Variants in ERC2 observed in about 807,000 individuals in gnomAD.
The protein encoded by ERC2 is ELKS/RAB6-interacting/CAST family member 2, also known as ERC protein 2.
A neutral mutation model predicts 114.8 loss-of-function variants in ERC2; 42 were observed. The ratio of observed to expected loss-of-function variants is 0.37; its 90% confidence interval spans 0.29 to 0.47. The LOEUF (loss-of-function observed/expected upper bound fraction) is 0.47, where lower values mean the gene tolerates loss of function less well. ERC2 is among the 20% of genes least tolerant of loss of function. The probability of loss-of-function intolerance (pLI) is 0.99; values close to 1 mark genes in which losing one functional copy is unlikely to be tolerated. For synonymous variants in ERC2, 454 were observed against 425.5 expected (o/e 1.07, Z -0.82); for missense variants, 939 against 1,150.7 (o/e 0.82, Z 2.66).
At chr3:55,762,414 C>T (rs979054165) in intron 14 of ERC2, among the ~76,000 whole-genome samples, 8 of 152,212 alleles carry the variant, frequency 5.3e-5, no homozygotes, top group African/African-American at 2.4e-5. Context: ...ATTGAAGCCA[C>T]TGAAAATCAA....
intron 17 of ERC2, among the ~76,000 whole-genome samples, chr3:55,511,521 C>T (rs1022483634): frequency 8.6e-5 from 13 of 152,014 alleles, no homozygotes; most frequent in African/African-American, 2.4e-4. Context: ...AAATATGTCA[C>T]GTATATGTAT....
At chr3:55,528,158 T>A (rs1341813895) in intron 17 of ERC2, among the ~76,000 whole-genome samples, 1 of 152,220 alleles carries the variant, frequency 6.6e-6, no homozygotes, top group Non-Finnish European at 1.5e-5. Flanking sequence ...GCATTAATAT[T>A]AACCAACAGG....
intron 17 of ERC2, among the ~76,000 whole-genome samples, chr3:55,591,307 C>T (rs1376061543): frequency 1.3e-5 from 2 of 151,712 alleles, no homozygotes; most frequent in African/African-American, 2.4e-5. Context: ...CCTTCTGTCA[C>T]GTAAAACCTC....
chr3:56,150,221 G>C (rs183195532), intron 4 of ERC2, among the ~76,000 whole-genome samples: 11 of 152,216 alleles, frequency 7.2e-5, no homozygotes, highest in South Asian at 2.1e-4. Flanking sequence ...CAAAAGTAAA[G>C]ACAATGAATA....
chr3:55,665,215 C>G (rs2061311789), intron 17 of ERC2, among the ~76,000 whole-genome samples: 1 of 152,196 alleles, frequency 6.6e-6, no homozygotes, highest in African/African-American at 2.4e-5. Context: ...ACTCTTCAAG[C>G]AGCGCTCTTT....
intron 2 of ERC2, among the ~76,000 whole-genome samples, chr3:56,347,177 C>G (rs2058343188): frequency 6.6e-6 from 1 of 152,170 alleles, no homozygotes; most frequent in African/African-American, 2.4e-5. Context: ...GTTTGCAAAA[C>G]TGGAACCACG....
At chr3:55,864,874 CATT>C (rs1045155020) in intron 14 of ERC2, among the ~76,000 whole-genome samples, 8 of 152,136 alleles carry the variant, frequency 5.3e-5, no homozygotes, top group East Asian at 1.9e-4. Context: ...CCATCATCAT[CATT>C]ATCACCATCA....
chr3:55,728,294 T>C (rs1157875445), intron 15 of ERC2, among the ~76,000 whole-genome samples: 1 of 152,160 alleles, frequency 6.6e-6, no homozygotes. Context: ...ATTATTAAAA[T>C]CATCACAAAA....
At chr3:56,073,886 G>A (rs2076854236) in intron 7 of ERC2, among the ~76,000 whole-genome samples, 1 of 152,006 alleles carries the variant, frequency 6.6e-6, no homozygotes, top group South Asian at 2.1e-4. Flanking sequence ...GAGCTTCTGG[G>A]GGAAGAAAAA....
chr3:55,736,060 T>C lies in ERC2; in HGVS notation c.2565-1142A>G, dbSNP rs138176598. 4.0e-3 allele frequency among the ~76,000 whole-genome samples: 615 copies of C among 152,286 alleles called. 3 individuals carry two copies. The highest frequency in any genetic ancestry group is 0.031 in the Middle Eastern group (9 of 294). On this transcript the variant is annotated intron_variant, in intron 14 of 17. Transcript: ENST00000288221. ...AAACTCATGCACTACTATAAAAACA[T>C]CTACGAACCATCAGCATCACTCACT...
At chr3:55,743,593 CAA>C (rs367859231) in intron 14 of ERC2, among the ~76,000 whole-genome samples, 2 of 97,198 alleles carry the variant, frequency 2.1e-5, no homozygotes, top group Admixed American at 1.3e-4. Flanking sequence ...CCTGATCCAC[CAA>C]AAAAAAAAAA....
chr3:56,201,340 C>T (rs2048393356), intron 3 of ERC2, among the ~76,000 whole-genome samples: 1 of 152,184 alleles, frequency 6.6e-6, no homozygotes, highest in Non-Finnish European at 1.5e-5. Flanking sequence ...TGAAAATGCC[C>T]ATTTAGTTTT....
intron 13 of ERC2, among the ~76,000 whole-genome samples, chr3:55,930,022 T>C (rs1306942638): frequency 6.6e-6 from 1 of 152,168 alleles, no homozygotes; most frequent in African/African-American, 2.4e-5. Flanking sequence ...GTAGATCACT[T>C]GAGGTCAGGA....
At chr3:55,946,094 A>AT (rs558852250) in intron 13 of ERC2, among the ~76,000 whole-genome samples, 221 of 151,938 alleles carry the variant, frequency 1.5e-3, no homozygotes, top group Non-Finnish European at 2.7e-3. Flanking sequence ...AAATAAAAAA[A>AT]TAAAAAAAAA....
At chr3:56,242,029 A>C (rs2051357100) in intron 3 of ERC2, among the ~76,000 whole-genome samples, 1 of 152,140 alleles carries the variant, frequency 6.6e-6, no homozygotes, top group Admixed American at 6.6e-5. Context: ...TTTAAGAAAA[A>C]GTTTGCTGAA....
At chr3:56,115,903 T>A (rs1386995946) in intron 6 of ERC2, among the ~76,000 whole-genome samples, 2 of 152,092 alleles carry the variant, frequency 1.3e-5, no homozygotes, top group East Asian at 3.9e-4. Flanking sequence ...CCTGCTGTAA[T>A]CCCTCCAGGG....
At chr3:55,844,824 T>G (rs1183406317) in intron 14 of ERC2, among the ~76,000 whole-genome samples, 1 of 152,208 alleles carries the variant, frequency 6.6e-6, no homozygotes, top group South Asian at 2.1e-4. Flanking sequence ...TGGACATATC[T>G]ATGAAAATGA....
chr3:56,045,277 C>T (rs2075398629), intron 7 of ERC2, among the ~76,000 whole-genome samples: 1 of 152,166 alleles, frequency 6.6e-6, no homozygotes, highest in Admixed American at 6.5e-5. Context: ...ATTTTAGAAA[C>T]ATCAAGAAAT....
chr3:55,997,890 T>G (rs1394483718), intron 10 of ERC2, among the ~76,000 whole-genome samples: 5 of 52,064 alleles, frequency 9.6e-5, no homozygotes, highest in Non-Finnish European at 1.6e-4. Flanking sequence ...GTTTTTTTTT[T>G]TTTTTTTTTT....
Sources: gnomAD v4.1 joint callset for allele counts (sites outside exome capture counted in the v4.1 genomes callset) on GRCh38, gnomAD v4.1.1 for gene constraint, MANE v1.5 for transcripts, NCBI Gene and HGNC (gene_info 2026-07-23, HGNC 2026-07-21) for gene names.